COL8A1: variants seen among roughly 807,000 people sequenced by gnomAD.
COL8A1 encodes collagen type VIII alpha 1 chain, also known as collagen alpha-1(VIII) chain.
COL8A1 carries 21 observed loss-of-function variants against 42.7 expected under a neutral mutation model. The ratio of observed to expected loss-of-function variants is 0.49; its 90% confidence interval spans 0.35 to 0.71. COL8A1 has a LOEUF of 0.71. Ranked by LOEUF, COL8A1 falls within the 30% of genes least tolerant of loss-of-function variation. The pLI, the probability that COL8A1 is intolerant of heterozygous loss-of-function variation, is 0.01. For synonymous variants in COL8A1, 367 were observed against 369.1 expected (o/e 0.99, Z 0.06); for missense variants, 788 against 962.4 (o/e 0.82, Z 2.40).
At chr3:99,778,917 C>A (rs535854215) in intron 2 of COL8A1, among the ~76,000 whole-genome samples, 2 of 152,232 alleles carry the variant, frequency 1.3e-5, no homozygotes, top group East Asian at 1.9e-4. Flanking sequence ...AAGAGAATTC[C>A]CAAAGATAAA....
intron 2 of COL8A1, among the ~76,000 whole-genome samples, chr3:99,757,078 G>A (rs1284714393): frequency 6.6e-6 from 1 of 152,178 alleles, no homozygotes; most frequent in Non-Finnish European, 1.5e-5. Context: ...TCTTCTTGCT[G>A]TATCCCCAGC....
At chr3:99,752,028 C>T (rs1941160433) in intron 2 of COL8A1, among the ~76,000 whole-genome samples, 1 of 152,076 alleles carries the variant, frequency 6.6e-6, no homozygotes, top group Admixed American at 6.6e-5. Context: ...TGATTTAATG[C>T]ATTTATGAAA....
intron 1 of COL8A1, among the ~76,000 whole-genome samples, chr3:99,738,354 T>C (rs1345877555): frequency 2.0e-5 from 3 of 152,200 alleles, no homozygotes; most frequent in Non-Finnish European, 1.5e-5. Context: ...ATCTTTGTGG[T>C]TTTATCTGCT....
intron 1 of COL8A1, among the ~76,000 whole-genome samples, chr3:99,690,814 A>G (rs565208571): frequency 1.3e-5 from 2 of 152,350 alleles, no homozygotes; most frequent in East Asian, 3.9e-4. Context: ...AGCAAACAGG[A>G]TATTTTCCCT....
At chr3:99,717,600 T>C (rs1940033989) in intron 1 of COL8A1, among the ~76,000 whole-genome samples, 1 of 152,058 alleles carries the variant, frequency 6.6e-6, no homozygotes. Flanking sequence ...TTCTAGATGT[T>C]GAAAACTGAG....
At position 99,795,458 on chromosome 3, in the gene COL8A1, G is replaced by T; in HGVS notation, c.1557G>T (p.Gly519=). Residue 519 remains glycine, a synonymous_variant, in exon 4 of 4, where the codon GGG becomes GGT. Transcript: ENST00000652472. ...CACCTGGGATTCCAGGCCCCAAAGG[G>T]GAGCCGGGCCTCCCAGGGCCCCCTG... ...IGPPGIPGPK[G]EPGLPGPPGF... is the part of the protein sequence containing the mutation. 1 of 1,523,054 alleles carries T rather than the reference G, an allele frequency of 6.6e-7. No individual in the cohort carries two copies. Among genetic ancestry groups the T allele is most frequent in the African/African-American group, 1.4e-5 (1 of 71,612 alleles). 94.3% of individuals were successfully genotyped at this position (1,523,054 alleles called of 1,614,324 possible).
At chr3:99,712,141 C>T (rs34265976) in intron 1 of COL8A1, among the ~76,000 whole-genome samples, 12,945 of 152,084 alleles carry the variant, frequency 0.085, 634 homozygotes, top group Middle Eastern at 0.11. Context: ...CATTTGGGGC[C>T]ATTTGTGGCA....
chr3:99,723,736 G>A (rs1252030496), intron 1 of COL8A1, among the ~76,000 whole-genome samples: 1 of 152,002 alleles, frequency 6.6e-6, no homozygotes, highest in African/African-American at 2.4e-5. Flanking sequence ...AAATTCCTCT[G>A]AAGGAAATAC....
At chr3:99,753,369 C>A (rs911702340) in intron 2 of COL8A1, among the ~76,000 whole-genome samples, 1 of 152,182 alleles carries the variant, frequency 6.6e-6, no homozygotes, top group South Asian at 2.1e-4. Context: ...TGTGAGGCTG[C>A]CATCACAAGG....
chr3:99,783,677 A>G (rs1941837983), intron 2 of COL8A1, among the ~76,000 whole-genome samples: 1 of 152,224 alleles, frequency 6.6e-6, no homozygotes, highest in Admixed American at 6.5e-5. Flanking sequence ...ATCATGATGG[A>G]AGGAGAAGGA....
At chr3:99,793,286 C>T (rs2107458587) in intron 3 of COL8A1, among the ~76,000 whole-genome samples, 1 of 152,248 alleles carries the variant, frequency 6.6e-6, no homozygotes. Flanking sequence ...TTTCAAATTT[C>T]TCACGAGATA....
At chr3:99,689,824 T>C (rs1939165757) in intron 1 of COL8A1, among the ~76,000 whole-genome samples, 1 of 152,306 alleles carries the variant, frequency 6.6e-6, no homozygotes, top group African/African-American at 2.4e-5. Context: ...TGTCTTCCCA[T>C]CTATTCAACT....
chr3:99,773,967 C>T (rs939219195), intron 2 of COL8A1, among the ~76,000 whole-genome samples: 4 of 147,896 alleles, frequency 2.7e-5, no homozygotes, highest in Non-Finnish European at 5.9e-5. Context: ...GCCTCAGCTT[C>T]CTGAGTAGCT....
chr3:99,795,900 G>A lies in COL8A1; in HGVS notation c.1999G>A (p.Val667Ile), dbSNP rs1364620044. 2.5e-6 allele frequency: 4 copies of A among 1,614,124 alleles called. No individual in the cohort carries two copies. The highest frequency in any genetic ancestry group is 2.2e-5 in the South Asian group (2 of 91,088). ...TGGTGTCTACTACTTTGCATACCAC[G>A]TTCACTGCAAGGGGGGCAACGTGTG... is the stretch of plus-strand genomic sequence containing the variant. ...VPGVYYFAYH[V>I]HCKGGNVWVA... The change falls in exon 4 of 4, where the codon GTT (valine) becomes ATT (isoleucine). Residue 667 changes from valine (V) to isoleucine (I), a missense_variant. Physicochemically the swap from Val to Ile is conservative, Grantham distance 29. This residue lies in a region of COL8A1 where 212 missense variants were observed against 210.9 expected (regional missense o/e 1.00). Transcript: ENST00000652472.
At position 99,798,366 on chromosome 3, in the gene COL8A1, T is replaced by C. The variant is rs1466092699; in HGVS notation, c.*2230T>C. On this transcript the variant is annotated 3_prime_UTR_variant, in exon 4 of 4. Transcript: ENST00000652472. ...TTTGGGTTGTTCTTGAGGATACTGGTTTTGGGCTGATGACTATGGTGGGCA... is the reference window on the plus strand; with the variant it reads ...TTTGGGTTGTTCTTGAGGATACTGGCTTTGGGCTGATGACTATGGTGGGCA... 1 of 152,208 alleles carries C rather than the reference T, an allele frequency of 6.6e-6. No homozygotes were observed. The highest frequency in any genetic ancestry group is 1.5e-5 in the Non-Finnish European group (1 of 68,034). 9.4% of individuals were successfully genotyped at this position (152,208 alleles called of 1,614,324 possible).
At chr3:99,752,805 C>T (rs1004524806) in intron 2 of COL8A1, among the ~76,000 whole-genome samples, 3 of 151,868 alleles carry the variant, frequency 2.0e-5, no homozygotes, top group African/African-American at 4.8e-5. Flanking sequence ...AACAAACTCC[C>T]GCATAAATAA....
At chr3:99,750,094 T>C (rs955068156) in intron 2 of COL8A1, among the ~76,000 whole-genome samples, 2 of 145,568 alleles carry the variant, frequency 1.4e-5, no homozygotes, top group Non-Finnish European at 3.0e-5. Context: ...TCTTGCTCTG[T>C]TGCCACGGCT....
At chr3:99,769,918 A>C (rs1016197548) in intron 2 of COL8A1, among the ~76,000 whole-genome samples, 2 of 151,712 alleles carry the variant, frequency 1.3e-5, no homozygotes, top group Non-Finnish European at 2.9e-5. Context: ...GATTCCATCC[A>C]AAAAAAAATT....
chr3:99,665,293 C>T (rs886738086), intron 1 of COL8A1, among the ~76,000 whole-genome samples: 1 of 152,262 alleles, frequency 6.6e-6, no homozygotes, highest in Non-Finnish European at 1.5e-5. Context: ...AAAAGCTTCT[C>T]ACCATGATCG....
Sources: gnomAD v4.1 joint callset for allele counts (sites outside exome capture counted in the v4.1 genomes callset) on GRCh38, gnomAD v4.1.1 for gene constraint, gnomAD v4.1.1 regional missense constraint, MANE v1.5 for transcripts, NCBI Gene and HGNC (gene_info 2026-07-23, HGNC 2026-07-21) for gene names.